The following SEMA6D variants were observed in gnomAD, a reference collection of about 807,000 sequenced individuals.
SEMA6D encodes the protein semaphorin-6D.
A neutral mutation model predicts 106.6 loss-of-function variants in SEMA6D; 35 were observed. The ratio of observed to expected loss-of-function variants is 0.33; its 90% CI spans 0.25 to 0.44. The LOEUF is 0.44. Ranked by LOEUF, SEMA6D falls within the 20% of genes least tolerant of loss-of-function variation. SEMA6D has a pLI of 1.00. For missense variants in SEMA6D, 1,185 were observed against 1,345.9 expected, an observed-to-expected ratio of 0.88 and a Z score of 1.87; for synonymous variants, 499 against 487.7, an observed-to-expected ratio of 1.02 and a Z score of -0.31.
chr15:47,338,580 C>A (rs1239268701), intron 1 of SEMA6D, among the ~76,000 whole-genome samples: 5 of 152,018 alleles, frequency 3.3e-5, no homozygotes, highest in African/African-American at 1.2e-4. Flanking sequence ...TGAAGGTAGG[C>A]CTGCAAACCT....
chr15:47,569,280 A>G (rs1359390472), intron 3 of SEMA6D, among the ~76,000 whole-genome samples: 4 of 152,120 alleles, frequency 2.6e-5, no homozygotes, highest in Non-Finnish European at 5.9e-5. Flanking sequence ...GCTGCTGGGT[A>G]ATTCAGTATC....
At chr15:47,268,670 C>A (rs893147881) in intron 1 of SEMA6D, among the ~76,000 whole-genome samples, 2 of 152,150 alleles carry the variant, frequency 1.3e-5, no homozygotes, top group African/African-American at 4.8e-5. Flanking sequence ...ACATATTGTT[C>A]CTTTCCTTAT....
chr15:47,188,188 A>G (rs1893702171), intron 1 of SEMA6D, among the ~76,000 whole-genome samples: 1 of 152,154 alleles, frequency 6.6e-6, no homozygotes, highest in East Asian at 1.9e-4. Flanking sequence ...CTCTTATTAA[A>G]TGTTTACTAA....
At chr15:47,448,249 A>T (rs115772079) in intron 2 of SEMA6D, among the ~76,000 whole-genome samples, 1,663 of 152,198 alleles carry the variant, frequency 0.011, 26 homozygotes, top group African/African-American at 0.038. Context: ...CTGGGCCGGG[A>T]TCTTTGTTCA....
intron 3 of SEMA6D, among the ~76,000 whole-genome samples, chr15:47,521,756 C>T (rs189759530): frequency 6.6e-5 from 10 of 152,228 alleles, no homozygotes; most frequent in Non-Finnish European, 1.3e-4. Context: ...GAGGCCAAGG[C>T]GGGTGGATCA....
At chr15:47,280,370 G>T (rs1364157844) in intron 1 of SEMA6D, among the ~76,000 whole-genome samples, 2 of 151,122 alleles carry the variant, frequency 1.3e-5, no homozygotes, top group East Asian at 3.9e-4. Context: ...GATCGGTGGT[G>T]ATATCCTCTT....
chr15:47,613,600 A>G (rs1298481640), intron 4 of SEMA6D, among the ~76,000 whole-genome samples: 2 of 152,214 alleles, frequency 1.3e-5, no homozygotes, highest in Non-Finnish European at 2.9e-5. Flanking sequence ...GAAAATATTT[A>G]GAAGTACAGT....
intron 1 of SEMA6D, among the ~76,000 whole-genome samples, chr15:47,329,333 A>G (rs1205108927): frequency 6.6e-6 from 1 of 152,220 alleles, no homozygotes; most frequent in Admixed American, 6.5e-5. Context: ...CCTGTTCACT[A>G]ATAAGCTGCA....
intron 3 of SEMA6D, among the ~76,000 whole-genome samples, chr15:47,471,248 G>A (rs1033088240): frequency 1.6e-4 from 25 of 152,078 alleles, no homozygotes; most frequent in African/African-American, 5.8e-4. Context: ...AGACACTGAC[G>A]CACTGTCCTA....
chr15:47,264,946 A>G (rs1297640032), intron 1 of SEMA6D, among the ~76,000 whole-genome samples: 1 of 152,046 alleles, frequency 6.6e-6, no homozygotes, highest in African/African-American at 2.4e-5. Flanking sequence ...CACAGCTTTG[A>G]ATTCATGGGA....
Position 47,282,351 on chromosome 15 carries a change from C to T in SEMA6D, c.-239+97933C>T, listed in dbSNP as rs144355616. Among the ~76,000 whole-genome samples the T allele has an allele frequency of 2.4e-3, 366 of 152,250 alleles. 3 individuals carry two copies. Among genetic ancestry groups the T allele is most frequent in the African/African-American group, 8.5e-3 (355 of 41,558 alleles). On this transcript the variant is annotated intron_variant, in intron 1 of 19. Transcript: ENST00000558014. ...CTTTGTGTCGGCTTCTTTTGCTCAA[C>T]ATTAGGCTTGTGATATTAATCCTGA...
chr15:47,384,814 G>GTTTTTTTTTTTTTTT (rs1168068495), intron 1 of SEMA6D, among the ~76,000 whole-genome samples: 6 of 65,696 alleles, frequency 9.1e-5, no homozygotes, highest in Admixed American at 2.3e-4. Flanking sequence ...GATTACTAAA[G>GTTTTTTTTTTTTTTT]TTTTTTTTTT....
chr15:47,764,166 C>T lies in SEMA6D; in HGVS notation c.966-8C>T, dbSNP rs1567102429. ...CAGCCTCTTCCTGATGATTTTCTTC[C>T]TTTTCAGCATCCCTGGTTCTGCTGT... On this transcript the variant is annotated splice_region_variant and splice_polypyrimidine_tract_variant and intron_variant, in intron 10 of 18. Coordinates refer to ENST00000536845, the MANE Select transcript of SEMA6D (RefSeq NM_001358351.3). 1 of 1,613,170 alleles carries T rather than the reference C, an allele frequency of 6.2e-7. No individual in the cohort carries two copies. The highest frequency in any genetic ancestry group is 1.7e-5 in the Admixed American group (1 of 59,926).
At chr15:47,561,835 A>C (rs1596321712) in intron 3 of SEMA6D, among the ~76,000 whole-genome samples, 1 of 151,992 alleles carries the variant, frequency 6.6e-6, no homozygotes, top group Admixed American at 6.6e-5. Context: ...AGAGAGGAAG[A>C]TATATTGGAG....
chr15:47,696,188 G>A (rs1002480504), intron 4 of SEMA6D, among the ~76,000 whole-genome samples: 4 of 152,038 alleles, frequency 2.6e-5, no homozygotes, highest in African/African-American at 9.7e-5. Flanking sequence ...TGAAAAACTC[G>A]TTTTCAATTC....
chr15:47,438,251 T>C (rs997032863), intron 2 of SEMA6D, among the ~76,000 whole-genome samples: 1 of 152,060 alleles, frequency 6.6e-6, no homozygotes, highest in African/African-American at 2.4e-5. Flanking sequence ...ATGGCTTCCA[T>C]TGCACCACTC....
Position 47,552,468 on chromosome 15 carries a change from A to ATG in SEMA6D, c.-86-48381_-86-48380dup, listed in dbSNP as rs141932315. On this transcript the variant is annotated intron_variant, in intron 3 of 19. Coordinates refer to the SEMA6D transcript ENST00000558014. ...ATTCTTATCAAGAAAATGGCAATGT[A>ATG]TGTGTGTGTGTGTGTGTCTGTGTGT... is the stretch of plus-strand genomic sequence containing the variant. Among the ~76,000 whole-genome samples the ATG allele has an allele frequency of 9.9e-4, 144 of 145,576 alleles. No homozygotes were observed. The Middle Eastern group carries it at 0.022, about 22-fold the overall frequency.
chr15:47,638,150 A>G (rs1321913635), intron 4 of SEMA6D, among the ~76,000 whole-genome samples: 1 of 152,010 alleles, frequency 6.6e-6, no homozygotes, highest in East Asian at 1.9e-4. Flanking sequence ...CCTGGATTCT[A>G]CAATAGCAAT....
chr15:47,197,259 C>G (rs556202738), intron 1 of SEMA6D, among the ~76,000 whole-genome samples: 9 of 152,102 alleles, frequency 5.9e-5, no homozygotes, highest in Non-Finnish European at 1.0e-4. Flanking sequence ...ACCCTGTATA[C>G]GAGGTTATCT....
Sources: allele counts gnomAD v4.1 joint callset (sites outside exome capture counted in the v4.1 genomes callset), GRCh38; gene constraint gnomAD v4.1.1; transcripts MANE v1.5; gene names NCBI Gene and HGNC (gene_info 2026-07-23, HGNC 2026-07-21).